The following CEMIP variants were observed in gnomAD, a reference collection of about 807,000 sequenced individuals.
The protein encoded by CEMIP is cell migration-inducing and hyaluronan-binding protein.
In CEMIP, 105 loss-of-function variants were observed where a neutral mutation model predicts 156.9. The ratio of observed to expected loss-of-function variants is 0.67; its 90% CI spans 0.57 to 0.79. CEMIP has a LOEUF of 0.79. CEMIP is among the 30% of genes least tolerant of loss of function. CEMIP has a pLI of 0.00. For synonymous variants in CEMIP, 676 were observed against 668.4 expected (o/e 1.01, Z -0.17); for missense variants, 1,457 against 1,769.4 (o/e 0.82, Z 3.17).
intron 1 of CEMIP, among the ~76,000 whole-genome samples, chr15:80,843,568 C>T (rs917611379): frequency 6.6e-6 from 1 of 152,246 alleles, no homozygotes; most frequent in Non-Finnish European, 1.5e-5. Flanking sequence ...CCACATCAGT[C>T]TATATCCCCA....
intron 1 of CEMIP, among the ~76,000 whole-genome samples, chr15:80,816,523 C>G (rs1212690481): frequency 6.6e-6 from 1 of 152,196 alleles, no homozygotes. Context: ...TAAGCCACAC[C>G]TCCTGGCCCA....
chr15:80,785,009 C>T (rs1194618456), intron 1 of CEMIP, among the ~76,000 whole-genome samples: 2 of 152,148 alleles, frequency 1.3e-5, no homozygotes, highest in South Asian at 2.1e-4. Flanking sequence ...TAATTATTGT[C>T]GCTCCTAAGC....
intron 1 of CEMIP, among the ~76,000 whole-genome samples, chr15:80,823,772 T>A (rs1596113278): frequency 6.6e-6 from 1 of 152,322 alleles, no homozygotes; most frequent in African/African-American, 2.4e-5. Flanking sequence ...GAGGTCAAAA[T>A]GAAGGCACTT....
Position 80,891,313 on chromosome 15 carries a change from C to T in CEMIP, c.1086+1721C>T, listed in dbSNP as rs535774180. Among the ~76,000 whole-genome samples the T allele has an allele frequency of 2.4e-4, 37 of 152,336 alleles. No homozygotes were observed. In the South Asian group the frequency reaches 7.3e-3, roughly 30 times the overall value. On this transcript the variant is annotated intron_variant, in intron 10 of 29. Transcript: ENST00000394685. ...TCTTGCATTTACTTTGCTCCCAGCA[C>T]AGACACAGGCCCTTCCTAGAGTGTC...
At chr15:80,924,751 C>A in intron 18 of CEMIP, 45 bp downstream of exon 18, 2 of 1,466,594 alleles carry the variant, frequency 1.4e-6, no homozygotes, top group Non-Finnish European at 1.9e-6. Flanking sequence ...ACCTTGCAGT[C>A]CAGCTCCTGC....
At position 80,812,148 on chromosome 15, in the gene CEMIP, G is replaced by A. The variant is rs78568685; in HGVS notation, c.-176+32534G>A. 8.3e-3 allele frequency among the ~76,000 whole-genome samples: 1,270 copies of A among 152,252 alleles called. 11 individuals are homozygous for A. The highest frequency in any genetic ancestry group is 0.015 in the Non-Finnish European group (988 of 68,022). ...CCTGTCTCAGCCTCTCAAGTAGCTGGGATTACAGGCGCATGACACCGGGCT... is the reference window on the plus strand; with the variant it reads ...CCTGTCTCAGCCTCTCAAGTAGCTGAGATTACAGGCGCATGACACCGGGCT... On this transcript the variant is annotated intron_variant, in intron 1 of 29. Coordinates refer to ENST00000394685, the MANE Select transcript of CEMIP (RefSeq NM_001293298.2).
intron 1 of CEMIP, among the ~76,000 whole-genome samples, chr15:80,835,794 C>T (rs1035852678): frequency 2.6e-5 from 4 of 152,204 alleles, no homozygotes; most frequent in African/African-American, 9.7e-5. Flanking sequence ...TCTCCCTTCT[C>T]CCACGGTCTG....
intron 6 of CEMIP, among the ~76,000 whole-genome samples, chr15:80,881,387 A>C (rs751464204): frequency 1.9e-4 from 29 of 152,302 alleles, no homozygotes; most frequent in Non-Finnish European, 3.8e-4. Flanking sequence ...AGTAAGGGGG[A>C]AAAAAGACAG....
chr15:80,834,302 T>G (rs1288406861), intron 1 of CEMIP, among the ~76,000 whole-genome samples: 1 of 152,220 alleles, frequency 6.6e-6, no homozygotes, highest in African/African-American at 2.4e-5. Context: ...TGAACAGAAG[T>G]TCTTAGTGTA....
At chr15:80,887,006 A>AT (rs1432395763) in intron 7 of CEMIP, among the ~76,000 whole-genome samples, 2 of 152,204 alleles carry the variant, frequency 1.3e-5, no homozygotes, top group Non-Finnish European at 2.9e-5. Context: ...CCAAGTTGCC[A>AT]TTTTGGGGGG....
At position 80,906,700 on chromosome 15, in the gene CEMIP, C is replaced by T. The variant is rs752334027; in HGVS notation, c.1449C>T (p.Asp483=). ...PMYLHIGEEI[D]GVDMRAEVGL... is the part of the protein sequence containing the mutation. Reference sequence around the variant, plus strand: ...ACCTGCACATCGGGGAGGAGATAGACGGCGTGGACATGCGGGCGGAGGTTG... The same window carrying T: ...ACCTGCACATCGGGGAGGAGATAGATGGCGTGGACATGCGGGCGGAGGTTG... The change falls in exon 13 of 30, where the codon GAC becomes GAT. Residue 483 remains aspartate (D), a synonymous_variant. Coordinates refer to ENST00000394685, the MANE Select transcript of CEMIP (RefSeq NM_001293298.2). This position sits in a 1 kb window ranked among gnomAD's most constrained non-coding sequence, Gnocchi z 4.3. The T allele has an allele frequency of 3.3e-5, 54 of 1,614,026 alleles. No individual in the cohort carries two copies. Among genetic ancestry groups the T allele is most frequent in the Admixed American group, 1.0e-4 (6 of 59,994 alleles).
At chr15:80,849,288 T>C (rs1394225288) in intron 1 of CEMIP, among the ~76,000 whole-genome samples, 2 of 152,050 alleles carry the variant, frequency 1.3e-5, no homozygotes, top group Non-Finnish European at 2.9e-5. Context: ...GCCAATCTCT[T>C]TAAAATATGT....
intron 7 of CEMIP, among the ~76,000 whole-genome samples, chr15:80,886,481 A>G (rs1433786097): frequency 6.6e-6 from 1 of 152,226 alleles, no homozygotes; most frequent in East Asian, 1.9e-4. Flanking sequence ...ACAAGAGATC[A>G]AAACAAGAAT....
intron 1 of CEMIP, among the ~76,000 whole-genome samples, chr15:80,824,946 C>T (rs1596114164): frequency 6.6e-6 from 1 of 152,168 alleles, no homozygotes; most frequent in Non-Finnish European, 1.5e-5. Flanking sequence ...TTGGGCTCAG[C>T]TTTTATCATC....
At chr15:80,900,888 C>CG (rs1009491596) in intron 12 of CEMIP, 1 of 453,738 alleles carries the variant, frequency 2.2e-6, no homozygotes. Flanking sequence ...GACACGGACA[C>CG]GATCTCCCTG....
rs754176355 is a variant in CEMIP at position 80,942,023 on chromosome 15, G to A, written c.3582G>A (p.Pro1194=). The change falls in exon 26 of 30, where the codon CCG becomes CCA. Residue 1194 remains proline, a synonymous_variant. Transcript: ENST00000394685. ...CCGAGAGGGCTGTCGTAGACGTGCC[G>A]ATGCCCAAGAAGCTCTTTGGTTCTC... is the stretch of plus-strand genomic sequence containing the variant. ...KFTERAVVDV[P]MPKKLFGSQL... 1.2e-5 allele frequency: 20 copies of A among 1,613,004 alleles called. No homozygotes were observed. Among genetic ancestry groups the A allele is most frequent in the African/African-American group, 9.4e-5 (7 of 74,620 alleles).
rs778537798 is a variant in CEMIP, at chr15:80,937,863, C to T, written c.3291C>T (p.His1097=). The T allele has an allele frequency of 5.6e-5, 90 of 1,614,132 alleles. No individual in the cohort carries two copies. Among genetic ancestry groups the T allele is most frequent in the Non-Finnish European group, 7.5e-5 (89 of 1,180,044 alleles). Reference sequence around the variant, plus strand: ...CATTCTCCATCCTCTCGGATGTTCACAATCGCCTGCTGAAGCAAACGTCCA... The same window carrying T: ...CATTCTCCATCCTCTCGGATGTTCATAATCGCCTGCTGAAGCAAACGTCCA... ...GTTFSILSDV[H]NRLLKQTSKT... The change falls in exon 25 of 30, where the codon CAC becomes CAT. Residue 1097 remains histidine (H), a synonymous_variant. Coordinates refer to ENST00000394685, the MANE Select transcript of CEMIP (RefSeq NM_001293298.2).
At chr15:80,846,312 C>G (rs1897555818) in intron 1 of CEMIP, among the ~76,000 whole-genome samples, 1 of 152,194 alleles carries the variant, frequency 6.6e-6, no homozygotes, top group Admixed American at 6.5e-5. Flanking sequence ...GCGCTCTTCC[C>G]CCGTCTCTCT....
At chr15:80,915,847 ACT>A (rs35990473) in intron 14 of CEMIP, among the ~76,000 whole-genome samples, 110,870 of 151,758 alleles carry the variant, frequency 0.73, 43,706 homozygotes, top group Non-Finnish European at 0.87. Context: ...TCATTAAGAC[ACT>A]CTGTAAAACA....
Sources: gnomAD v4.1 joint callset for allele counts (sites outside exome capture counted in the v4.1 genomes callset) on GRCh38, gnomAD v4.1.1 for gene constraint, Gnocchi (gnomAD v3.1) non-coding constraint, MANE v1.5 for transcripts, NCBI Gene and HGNC (gene_info 2026-07-23, HGNC 2026-07-21) for gene names.